ITPR3: variants seen among roughly 807,000 people sequenced by gnomAD.
The protein encoded by ITPR3 is inositol 1,4,5-trisphosphate receptor type 3, also known as inositol 1,4,5-trisphosphate-gated calcium channel ITPR3.
A neutral mutation model predicts 293.2 loss-of-function variants in ITPR3; 173 were observed. That is an observed-to-expected ratio of 0.59 (90% CI 0.52 to 0.67). The LOEUF (loss-of-function observed/expected upper bound fraction) is 0.67, where lower values mean the gene tolerates loss of function less well. Among genes scored for constraint, ITPR3 ranks in the 30% least tolerant of loss-of-function variants. The pLI is 0.00. For synonymous variants in ITPR3, 1,295 were observed against 1,444.4 expected (o/e 0.90, Z 2.35); for missense variants, 2,796 against 3,592.1 (o/e 0.78, Z 5.66).
chr6:33,673,641 C>T lies in ITPR3; in HGVS notation c.2979C>T (p.Val993=). The change falls in exon 23 of 58, where the codon GTC becomes GTT. Residue 993 remains valine, a synonymous_variant. Coordinates refer to ENST00000605930, the MANE Select transcript of ITPR3 (RefSeq NM_002224.4). The part of the protein sequence containing the change: ...LDYRISYLLS[V]FKKEFVEVFP... Reference sequence around the variant, plus strand: ...ACCGCATATCCTACCTGCTGTCTGTCTTCAAGAAGGAGTTTGTGGAGGTGT... The same window carrying T: ...ACCGCATATCCTACCTGCTGTCTGTTTTCAAGAAGGAGTTTGTGGAGGTGT... 6.2e-7 allele frequency: 1 copy of T among 1,614,204 alleles called. No individual in the cohort carries two copies. The highest frequency in any genetic ancestry group is 8.5e-7 in the Non-Finnish European group (1 of 1,180,026).
At position 33,682,432 on chromosome 6, in the gene ITPR3, A is replaced by G; in HGVS notation, c.4477-92A>G. The G allele has an allele frequency of 7.2e-7, 1 of 1,392,248 alleles. No individual in the cohort carries two copies. The highest frequency in any genetic ancestry group is 9.5e-7 in the Non-Finnish European group (1 of 1,051,384). The allele number at this position is 1,392,248 out of a possible 1,614,324, so 86.2% of individuals were successfully genotyped here. A position where few individuals can be genotyped will look rare whatever the true frequency, so the allele number is the denominator to read the frequency against. ...TAGTGAAGGCTCCGTCTCTCCACCC[A>G]TGCCCATTCTGATTGGGCCCTGGTT... On this transcript the variant is annotated intron_variant, in intron 33 of 57. Transcript: ENST00000605930. The surrounding 1 kb of genome is among the most constrained non-coding windows in gnomAD (Gnocchi z 5.4).
rs964984738 is a variant in ITPR3, at chr6:33,624,070, C to G, written c.89+2379C>G. Among the ~76,000 whole-genome samples the G allele has an allele frequency of 1.9e-4, 29 of 152,356 alleles. No individual in the cohort carries two copies. Among genetic ancestry groups the G allele is most frequent in the African/African-American group, 6.7e-4 (28 of 41,590 alleles). On this transcript the variant is annotated intron_variant, in intron 1 of 57. Transcript: ENST00000605930. This position sits in a 1 kb window ranked among gnomAD's most constrained non-coding sequence, Gnocchi z 4.7. ...CGCCCTTTAGCAAGCAAGTCTCCAC[C>G]TGGGTAAATCTGTCCCACCCTCTAA...
rs2151282587 is a variant in ITPR3, at chr6:33,633,622, G to C, written c.90-6862G>C. ...GCCCCCGGGCGCGTCTGGCGGAGGCGCGGCGTCCTGGCAGCGGCCGGCAGT... is the reference window on the plus strand; with the variant it reads ...GCCCCCGGGCGCGTCTGGCGGAGGCCCGGCGTCCTGGCAGCGGCCGGCAGT... On this transcript the variant is annotated intron_variant, in intron 1 of 57. Coordinates refer to ENST00000605930, the MANE Select transcript of ITPR3 (RefSeq NM_002224.4). The surrounding 1 kb of genome is among the most constrained non-coding windows in gnomAD (Gnocchi z 5.2). Among the ~76,000 whole-genome samples, 1 of 151,572 alleles carries C rather than the reference G, an allele frequency of 6.6e-6. No individual in the cohort carries two copies. Among genetic ancestry groups the C allele is most frequent in the South Asian group, 2.1e-4 (1 of 4,830 alleles).
intron 56 of ITPR3, 28 bp from the exon 57 acceptor site, chr6:33,694,896 T>A: frequency 6.2e-7 from 1 of 1,613,986 alleles, no homozygotes; most frequent in South Asian, 1.1e-5. Flanking sequence ...GGCCCACGCC[T>A]GCTTAACCCA....
At position 33,692,886 on chromosome 6, in the gene ITPR3, C is replaced by T; in HGVS notation, c.7617C>T (p.Phe2539=). ...AGGAGATTCTTAAGACGACATGCTT[C>T]ATCTGTGGTGAGGGCTGCTTCCTGC... ...KKEEILKTTC[F]ICGLERDKFD... Residue 2539 remains phenylalanine, a synonymous_variant, in exon 55 of 58, where the codon TTC becomes TTT. Transcript: ENST00000605930. The surrounding 1 kb of genome is among the most constrained non-coding windows in gnomAD (Gnocchi z 4.2). 1 of 1,614,060 alleles carries T rather than the reference C, an allele frequency of 6.2e-7. No homozygotes were observed. The highest frequency in any genetic ancestry group is 8.5e-7 in the Non-Finnish European group (1 of 1,179,958).
chr6:33,682,513 A>G lies in ITPR3; in HGVS notation c.4477-11A>G. On this transcript the variant is annotated splice_polypyrimidine_tract_variant and intron_variant, in intron 33 of 57. Coordinates refer to ENST00000605930, the MANE Select transcript of ITPR3 (RefSeq NM_002224.4). This position sits in a 1 kb window ranked among gnomAD's most constrained non-coding sequence, Gnocchi z 5.4. ...CTGGGCTGCAGCAGCGGGCTCTGTG[A>G]CTTCTTGCAGACACACCAGACGATT... The G allele has an allele frequency of 2.0e-6, 3 of 1,506,320 alleles. No individual in the cohort carries two copies. The highest frequency in any genetic ancestry group is 2.7e-6 in the Non-Finnish European group (3 of 1,125,846). The allele number at this position is 1,506,320 out of a possible 1,614,324, so 93.3% of individuals were successfully genotyped here.
In ITPR3 at chr6:33,621,503, GTACCCC is replaced by G. The variant is rs1763434832; in HGVS notation, c.-98_-93del. ...GAGCGTCGGGATCCGAGGTGGGAGC[GTACCCC>G]TCCCCGCTCCCCGGACGCCTCAGTC... On this transcript the variant is annotated 5_prime_UTR_variant, in exon 1 of 58. Coordinates refer to ENST00000605930, the MANE Select transcript of ITPR3 (RefSeq NM_002224.4). The surrounding 1 kb of genome is among the most constrained non-coding windows in gnomAD (Gnocchi z 7.7). 1.2e-6 allele frequency: 1 copy of G among 807,672 alleles called. No individual in the cohort carries two copies. The highest frequency in any genetic ancestry group is 2.3e-5 in the Admixed American group (1 of 43,374). 50.0% of individuals were successfully genotyped at this position (807,672 alleles called of 1,614,324 possible).
rs141200313 is a variant in ITPR3 at position 33,674,631 on chromosome 6, G to A, written c.3116+366G>A. Among the ~76,000 whole-genome samples, 373 of 152,342 alleles carry A rather than the reference G, an allele frequency of 2.4e-3. 3 individuals are homozygous for A. Among genetic ancestry groups the A allele is most frequent in the African/African-American group, 8.5e-3 (355 of 41,574 alleles). On this transcript the variant is annotated intron_variant, in intron 24 of 57. Transcript: ENST00000605930. ...AAGCCCTGAGGGGCTGGAGGCAGAG[G>A]CTCACTGGGGGCTTTTAGCATCTTG...
At position 33,684,709 on chromosome 6, in the gene ITPR3, CCCCCGGGCCCT is replaced by C. The variant is rs1765176975; in HGVS notation, c.5137+25_5137+35del. 6.2e-7 allele frequency: 1 copy of C among 1,612,100 alleles called. No individual in the cohort carries two copies. The highest frequency in any genetic ancestry group is 8.5e-7 in the Non-Finnish European group (1 of 1,178,830). On this transcript the variant is annotated intron_variant, in intron 38 of 57. Coordinates refer to ENST00000605930, the MANE Select transcript of ITPR3 (RefSeq NM_002224.4). The surrounding 1 kb of genome is among the most constrained non-coding windows in gnomAD (Gnocchi z 4.2). ...CACTGGTCAGTATCACCTTCCCCTG[CCCCCGGGCCCT>C]CCCTTCCACTCTCCTGTCACACCAG...
intron 49 of ITPR3, 99 bp downstream of exon 49, chr6:33,688,880 C>T (rs1166428770): frequency 4.7e-6 from 7 of 1,495,190 alleles, no homozygotes; most frequent in Non-Finnish European, 6.5e-6. Flanking sequence ...CTGAGGGCAC[C>T]AGATGCAGAG....
Position 33,687,350 on chromosome 6 carries a change from C to A in ITPR3, c.6177+23C>A. ...CAGGTACCAGTTCCACCCGTGGCAA[C>A]GGCCATCACCCCCCTGGCCACCATA... is the stretch of plus-strand genomic sequence containing the variant. On this transcript the variant is annotated intron_variant, in intron 45 of 57. Coordinates refer to ENST00000605930, the MANE Select transcript of ITPR3 (RefSeq NM_002224.4). The surrounding 1 kb of genome is among the most constrained non-coding windows in gnomAD (Gnocchi z 5.3). 6.4e-7 allele frequency: 1 copy of A among 1,556,886 alleles called. No individual in the cohort carries two copies.
In ITPR3 at chr6:33,664,987, G is replaced by C. The variant is rs372743632; in HGVS notation, c.1248+18G>C. The C allele has an allele frequency of 4.6e-5, 75 of 1,613,004 alleles. No homozygotes were observed. The South Asian group carries it at 7.4e-4, about 16-fold the overall frequency. On this transcript the variant is annotated intron_variant, in intron 12 of 57. Coordinates refer to ENST00000605930, the MANE Select transcript of ITPR3 (RefSeq NM_002224.4). The surrounding 1 kb of genome is among the most constrained non-coding windows in gnomAD (Gnocchi z 4.4). ...GGCTCATGGTGCGTGTCCCTGGGGTGGGGGTGGGGCTGGGGCCAGGGCCGG... is the reference window on the plus strand; with the variant it reads ...GGCTCATGGTGCGTGTCCCTGGGGTCGGGGTGGGGCTGGGGCCAGGGCCGG...
chr6:33,623,696 CA>C (rs1028073242), intron 1 of ITPR3, among the ~76,000 whole-genome samples: 1 of 152,176 alleles, frequency 6.6e-6, no homozygotes, highest in Non-Finnish European at 1.5e-5. Flanking sequence ...CACTCCCTCA[CA>C]AAGGATTCCC....
intron 1 of ITPR3, among the ~76,000 whole-genome samples, chr6:33,622,232 A>T (rs12208234): frequency 0.033 from 5,043 of 152,150 alleles, 138 homozygotes; most frequent in Non-Finnish European, 0.053. Flanking sequence ...CCAGGCTTCA[A>T]GGTCCTGGCC....
chr6:33,663,013 G>C lies in ITPR3; in HGVS notation c.954+7G>C. ...CAACTACCTGGCTGCTGAGGTGAGC[G>C]GGAGGTAGAGGGCATGCTGGGGCTC... On this transcript the variant is annotated splice_region_variant and intron_variant, in intron 9 of 57. Transcript: ENST00000605930. 1 of 1,587,130 alleles carries C rather than the reference G, an allele frequency of 6.3e-7. No individual in the cohort carries two copies. Among genetic ancestry groups the C allele is most frequent in the Non-Finnish European group, 8.6e-7 (1 of 1,165,200 alleles).
In ITPR3 at chr6:33,682,042, C is replaced by G. The variant is rs915999687; in HGVS notation, c.4477-482C>G. Among the ~76,000 whole-genome samples, 1 of 152,034 alleles carries G rather than the reference C, an allele frequency of 6.6e-6. No individual in the cohort carries two copies. The highest frequency in any genetic ancestry group is 1.5e-5 in the Non-Finnish European group (1 of 68,008). ...GATTATAGGCACCCGCCACCACGCC[C>G]GGCTAATTTTTGTATTTTTAGTAGA... On this transcript the variant is annotated intron_variant, in intron 33 of 57. Coordinates refer to ENST00000605930, the MANE Select transcript of ITPR3 (RefSeq NM_002224.4). This position sits in a 1 kb window ranked among gnomAD's most constrained non-coding sequence, Gnocchi z 5.4.
chr6:33,663,938 G>A (rs1764544136), intron 11 of ITPR3, 58 bp downstream of exon 11: 5 of 1,599,406 alleles, frequency 3.1e-6, no homozygotes, highest in Non-Finnish European at 4.3e-6. Flanking sequence ...GGGCCCTCCT[G>A]TCTCTGGGAC....
At chr6:33,674,963 G>A (rs2127292228) in intron 24 of ITPR3, among the ~76,000 whole-genome samples, 1 of 152,300 alleles carries the variant, frequency 6.6e-6, no homozygotes, top group South Asian at 2.1e-4. Flanking sequence ...ATATTTATTG[G>A]TGACAGACTT....
chr6:33,639,378 CA>C (rs34424556), intron 1 of ITPR3, among the ~76,000 whole-genome samples: 9,186 of 94,872 alleles, frequency 0.097, 263 homozygotes, highest in African/African-American at 0.12. Context: ...AACTCTGTCT[CA>C]AAAAAAAAAA....
Sources: gnomAD v4.1 joint callset for allele counts (sites outside exome capture counted in the v4.1 genomes callset) on GRCh38, gnomAD v4.1.1 for gene constraint, Gnocchi (gnomAD v3.1) non-coding constraint, MANE v1.5 for transcripts, NCBI Gene and HGNC (gene_info 2026-07-23, HGNC 2026-07-21) for gene names.